The following RBFOX1 variants were observed in gnomAD, a reference collection of about 807,000 sequenced individuals.
RBFOX1 encodes the protein RNA binding protein fox-1 homolog 1.
RBFOX1 carries 8 observed loss-of-function variants against 57.7 expected under a neutral mutation model. The ratio of observed to expected loss-of-function variants is 0.14; its 90% CI spans 0.08 to 0.25. The LOEUF is 0.25. RBFOX1 is among the 10% of genes least tolerant of loss of function. RBFOX1 has a pLI of 1.00. For missense variants in RBFOX1, 611 were observed against 548.5 expected (o/e 1.11, Z -1.14); for synonymous variants, 326 against 222.4 (o/e 1.47, Z -4.15).
chr16:6,137,468 G>C (rs1391084982), intron 1 of RBFOX1, among the ~76,000 whole-genome samples: 1 of 151,890 alleles, frequency 6.6e-6, no homozygotes, highest in Admixed American at 6.6e-5. Flanking sequence ...CCACGCCTGG[G>C]TAATTTTTTG....
chr16:5,308,320 C>G (rs1425128332), intron 1 of RBFOX1, among the ~76,000 whole-genome samples: 1 of 130,016 alleles, frequency 7.7e-6, no homozygotes, highest in Non-Finnish European at 1.6e-5. Flanking sequence ...GAGTGAGGCT[C>G]TGTCTAAAAA....
At chr16:5,748,825 A>G (rs557630348) in intron 3 of RBFOX1, among the ~76,000 whole-genome samples, 55 of 152,174 alleles carry the variant, frequency 3.6e-4, no homozygotes, top group Non-Finnish European at 1.0e-4. Context: ...TCTTTATCCA[A>G]TTTGCCAGTC....
chr16:7,065,890 T>A (rs549389124), intron 4 of RBFOX1, among the ~76,000 whole-genome samples: 2 of 152,274 alleles, frequency 1.3e-5, no homozygotes, highest in Admixed American at 6.5e-5. Flanking sequence ...TGGAAGTGAG[T>A]TCATGGGGTA....
At chr16:6,759,663 C>T (rs148974629) in intron 3 of RBFOX1, among the ~76,000 whole-genome samples, 5 of 152,082 alleles carry the variant, frequency 3.3e-5, no homozygotes, top group African/African-American at 1.2e-4. Context: ...TTTTCACTTT[C>T]TCTTTGCCTT....
rs536591303 is a variant in RBFOX1, at chr16:7,567,579, C to G, written c.271-12198C>G. ...TATATATGGCCCTATATATATATAT[C>G]CCTATATATGGCCCTATATATATAT... On this transcript the variant is annotated intron_variant, in intron 5 of 15. Transcript: ENST00000550418. 5.7e-3 allele frequency among the ~76,000 whole-genome samples: 526 copies of G among 92,472 alleles called. 24 individuals carry two copies. The highest frequency in any genetic ancestry group is 0.018 in the African/African-American group (512 of 28,342). The allele number at this position is 92,472 out of a possible 152,430, so 60.7% of individuals were successfully genotyped here.
intron 2 of RBFOX1, among the ~76,000 whole-genome samples, chr16:6,393,311 C>G (rs569147872): frequency 2.0e-4 from 30 of 152,266 alleles, no homozygotes; most frequent in Non-Finnish European, 3.5e-4. Context: ...TGGGGATGAA[C>G]AGTATCCCTT....
intron 2 of RBFOX1, among the ~76,000 whole-genome samples, chr16:6,595,254 G>C (rs973500683): frequency 2.0e-5 from 3 of 152,154 alleles, no homozygotes; most frequent in Admixed American, 6.5e-5. Flanking sequence ...CCAGCATTCT[G>C]CTCTATCTCT....
At chr16:7,097,341 TGA>T (rs2061874891) in intron 4 of RBFOX1, among the ~76,000 whole-genome samples, 1 of 152,028 alleles carries the variant, frequency 6.6e-6, no homozygotes, top group South Asian at 2.1e-4. Flanking sequence ...GAGAGAGTTC[TGA>T]GACAGGCAGG....
intron 2 of RBFOX1, among the ~76,000 whole-genome samples, chr16:6,646,115 C>G (rs2098532477): frequency 6.6e-6 from 1 of 152,016 alleles, no homozygotes; most frequent in South Asian, 2.1e-4. Context: ...AGTAGTTGAG[C>G]TGTTTTCCAA....
rs534054245 is a variant in RBFOX1, at chr16:6,286,743, G to A, written c.-126-30252G>A. On this transcript the variant is annotated intron_variant, in intron 1 of 15. Transcript: ENST00000550418. ...AACAGGATACTGCACAGGCTCACCT[G>A]GGTAGCAGATTCATTCAGCCTAGCC... Among the ~76,000 whole-genome samples the A allele has an allele frequency of 5.9e-5, 9 of 152,230 alleles. No homozygotes were observed. The South Asian group carries it at 1.9e-3, about 32-fold the overall frequency.
chr16:6,894,549 C>A (rs1211363343), intron 3 of RBFOX1, among the ~76,000 whole-genome samples: 2 of 152,020 alleles, frequency 1.3e-5, no homozygotes, highest in African/African-American at 4.8e-5. Context: ...CCAAAGTGTA[C>A]CCCCAAAACA....
intron 2 of RBFOX1, among the ~76,000 whole-genome samples, chr16:6,484,086 C>T: frequency 6.6e-6 from 1 of 152,176 alleles, no homozygotes; most frequent in South Asian, 2.1e-4. Context: ...AGTTAGTGGG[C>T]AACTTCCTTG....
intron 2 of RBFOX1, among the ~76,000 whole-genome samples, chr16:6,344,646 C>T (rs941730545): frequency 6.7e-6 from 1 of 149,524 alleles, no homozygotes; most frequent in African/African-American, 2.5e-5. Flanking sequence ...ATTTGCCTGC[C>T]TCGGCCTCCC....
rs114006610 is a variant in RBFOX1, at chr16:6,856,850, T to A, written c.-15-195207T>A. Among the ~76,000 whole-genome samples, 782 of 152,048 alleles carry A rather than the reference T, an allele frequency of 5.1e-3. 12 individuals are homozygous for A. The highest frequency in any genetic ancestry group is 0.018 in the African/African-American group (745 of 41,466). ...AACCACTGATTGACAGATCCCTTAATTGTCAATTCAGATAATAATAATTCT... is the reference window on the plus strand; with the variant it reads ...AACCACTGATTGACAGATCCCTTAAATGTCAATTCAGATAATAATAATTCT... On this transcript the variant is annotated intron_variant, in intron 3 of 15. Transcript: ENST00000550418.
chr16:6,607,975 C>T (rs1337788516), intron 2 of RBFOX1, among the ~76,000 whole-genome samples: 1 of 152,144 alleles, frequency 6.6e-6, no homozygotes, highest in Non-Finnish European at 1.5e-5. Context: ...AACCTTAACT[C>T]TGACCCTTTA....
intron 3 of RBFOX1, among the ~76,000 whole-genome samples, chr16:6,961,566 G>T (rs972801581): frequency 6.6e-6 from 1 of 152,172 alleles, no homozygotes; most frequent in African/African-American, 2.4e-5. Context: ...ACAAACGAAT[G>T]GCTACTCCAT....
chr16:6,639,532 A>C lies in RBFOX1; in HGVS notation c.-63-15071A>C, dbSNP rs2098470188. On this transcript the variant is annotated intron_variant, in intron 2 of 15. Coordinates refer to ENST00000550418, the MANE Select transcript of RBFOX1 (RefSeq NM_018723.4). ...ATATTGAGAAGGAAGAACAATAACT[A>C]TGATAAAATTATACAAATACACAAT... Among the ~76,000 whole-genome samples the C allele has an allele frequency of 2.0e-5, 3 of 152,190 alleles. No homozygotes were observed. In the South Asian group the frequency reaches 6.2e-4, roughly 32 times the overall value.
At chr16:6,959,661 G>C (rs1183852349) in intron 3 of RBFOX1, among the ~76,000 whole-genome samples, 1 of 152,114 alleles carries the variant, frequency 6.6e-6, no homozygotes, top group Non-Finnish European at 1.5e-5. Flanking sequence ...CTGAGGCTGG[G>C]CGTAATGGCT....
At chr16:6,766,257 T>C (rs1297896026) in intron 3 of RBFOX1, among the ~76,000 whole-genome samples, 1 of 152,244 alleles carries the variant, frequency 6.6e-6, no homozygotes, top group Non-Finnish European at 1.5e-5. Flanking sequence ...TCATTGTTTT[T>C]ATACAGCTCT....
Sources: gnomAD v4.1 joint callset for allele counts (sites outside exome capture counted in the v4.1 genomes callset) on GRCh38, gnomAD v4.1.1 for gene constraint, MANE v1.5 for transcripts, NCBI Gene and HGNC (gene_info 2026-07-23, HGNC 2026-07-21) for gene names.